The following FGF12 variants were observed in gnomAD, a reference collection of about 807,000 sequenced individuals.
The protein encoded by FGF12 is fibroblast growth factor 12B.
In FGF12, 14 loss-of-function variants were observed where a neutral mutation model predicts 23.6. The observed-to-expected ratio is 0.59, with a 90% CI of 0.39 to 0.93. The LOEUF is 0.93. FGF12 is among the 40% of genes least tolerant of loss of function. The pLI, the probability that FGF12 is intolerant of heterozygous loss-of-function variation, is 0.00. For missense variants in FGF12, 175 were observed against 217.8 expected, an observed-to-expected ratio of 0.80 and a Z score of 1.24; for synonymous variants, 62 against 77.3, an observed-to-expected ratio of 0.80 and a Z score of 1.04.
At chr3:192,235,946 T>A (rs1441652733) in intron 4 of FGF12, among the ~76,000 whole-genome samples, 1 of 152,210 alleles carries the variant, frequency 6.6e-6, no homozygotes, top group African/African-American at 2.4e-5. Flanking sequence ...CTAGTTGTAA[T>A]GTTAGGTTGT....
chr3:192,467,540 A>G (rs1723047662), intron 2 of FGF12, among the ~76,000 whole-genome samples: 1 of 152,036 alleles, frequency 6.6e-6, no homozygotes, highest in Admixed American at 6.5e-5. Flanking sequence ...GGAAGGTTAT[A>G]TGGAATTACC....
At chr3:192,484,390 T>C (rs186911158) in intron 2 of FGF12, among the ~76,000 whole-genome samples, 1 of 149,552 alleles carries the variant, frequency 6.7e-6, no homozygotes, top group African/African-American at 2.4e-5. Context: ...GATATAAACA[T>C]AGACTCTGAA....
intron 3 of FGF12, among the ~76,000 whole-genome samples, chr3:192,335,763 TCAAA>T (rs758558063): frequency 2.6e-5 from 4 of 152,054 alleles, no homozygotes; most frequent in Non-Finnish European, 4.4e-5. Flanking sequence ...AAAATGATCC[TCAAA>T]CAGTGTAATA....
At chr3:192,148,095 C>A (rs1268357812) in intron 5 of FGF12, among the ~76,000 whole-genome samples, 1 of 152,134 alleles carries the variant, frequency 6.6e-6, no homozygotes, top group African/African-American at 2.4e-5. Flanking sequence ...TATGATCCAG[C>A]AATTCCAACT....
At chr3:192,613,501 T>C (rs2708304) in intron 2 of FGF12, among the ~76,000 whole-genome samples, 27,268 of 151,850 alleles carry the variant, frequency 0.18, 3,005 homozygotes, top group East Asian at 0.34. Flanking sequence ...GATTATTATA[T>C]CTAGGTTCGG....
At chr3:192,369,390 A>G (rs574070790) in intron 2 of FGF12, among the ~76,000 whole-genome samples, 1 of 152,226 alleles carries the variant, frequency 6.6e-6, no homozygotes, top group South Asian at 2.1e-4. Flanking sequence ...TAAACTGCAC[A>G]GTCTCCAAAG....
chr3:192,436,334 C>T (rs1283663543), intron 2 of FGF12, among the ~76,000 whole-genome samples: 3 of 152,224 alleles, frequency 2.0e-5, no homozygotes, highest in Non-Finnish European at 4.4e-5. Context: ...TCAGAGCTTA[C>T]TGCTGTAAAT....
intron 2 of FGF12, among the ~76,000 whole-genome samples, chr3:192,663,882 G>A (rs946560369): frequency 1.3e-5 from 2 of 152,040 alleles, no homozygotes; most frequent in Admixed American, 1.3e-4. Context: ...CGTTTGTTCT[G>A]TGTTTGCAAT....
chr3:192,686,815 ATTTTTTTTTT>A (rs57045697), intron 2 of FGF12, among the ~76,000 whole-genome samples: 8 of 61,480 alleles, frequency 1.3e-4, no homozygotes, highest in South Asian at 7.8e-4. Flanking sequence ...TTTTTCTCTA[ATTTTTTTTTT>A]TTTTTTTTTT....
At chr3:192,372,391 TCACACA>T (rs58664869) in intron 2 of FGF12, among the ~76,000 whole-genome samples, 15,262 of 149,072 alleles carry the variant, frequency 0.1, 1,114 homozygotes, top group African/African-American at 0.2. Context: ...TTTCATACCA[TCACACA>T]CACACACACA....
intron 2 of FGF12, among the ~76,000 whole-genome samples, chr3:192,434,548 T>C (rs940818714): frequency 7.2e-5 from 11 of 152,078 alleles, no homozygotes; most frequent in Admixed American, 1.3e-4. Context: ...TACATGTATG[T>C]GTGTGTGTGC....
At chr3:192,567,153 G>C (rs986867411) in intron 2 of FGF12, among the ~76,000 whole-genome samples, 4 of 152,132 alleles carry the variant, frequency 2.6e-5, no homozygotes, top group African/African-American at 9.7e-5. Flanking sequence ...GGTACTAGAA[G>C]CACCTCAGAG....
At chr3:192,322,503 G>GACACACACACACACACACAC (rs3071843) in intron 4 of FGF12, among the ~76,000 whole-genome samples, 9 of 149,196 alleles carry the variant, frequency 6.0e-5, no homozygotes, top group African/African-American at 2.2e-4. Context: ...ACCACACGCA[G>GACACACACACACACACACAC]ACACACACAC....
intron 4 of FGF12, among the ~76,000 whole-genome samples, chr3:192,334,773 G>C (rs536926587): frequency 2.0e-5 from 3 of 152,178 alleles, no homozygotes; most frequent in African/African-American, 7.2e-5. Context: ...TTTGCCCAAA[G>C]GGATATCAAG....
intron 4 of FGF12, among the ~76,000 whole-genome samples, chr3:192,274,472 A>C (rs1577308324): frequency 1.3e-5 from 2 of 152,212 alleles, no homozygotes; most frequent in Non-Finnish European, 2.9e-5. Context: ...ACATAGTAAT[A>C]AAAATAGGAA....
chr3:192,417,924 T>C (rs1362522947), intron 2 of FGF12, among the ~76,000 whole-genome samples: 2 of 152,074 alleles, frequency 1.3e-5, no homozygotes, highest in African/African-American at 4.8e-5. Context: ...TGCCTTGTTC[T>C]TTTGTGCCTG....
At chr3:192,643,754 C>T (rs1007571672) in intron 2 of FGF12, among the ~76,000 whole-genome samples, 8 of 152,166 alleles carry the variant, frequency 5.3e-5, no homozygotes, top group African/African-American at 1.9e-4. Flanking sequence ...ATAGTATATA[C>T]ATTTTTTAAA....
intron 4 of FGF12, among the ~76,000 whole-genome samples, chr3:192,267,794 A>G (rs1713173011): frequency 6.6e-6 from 1 of 152,230 alleles, no homozygotes; most frequent in South Asian, 2.1e-4. Flanking sequence ...TTTATAGGAC[A>G]TTTTAAATTA....
At chr3:192,275,400 C>T (rs779492281) in intron 4 of FGF12, among the ~76,000 whole-genome samples, 2 of 152,030 alleles carry the variant, frequency 1.3e-5, no homozygotes, top group Non-Finnish European at 2.9e-5. Flanking sequence ...TTTCCTCTAC[C>T]CTTTTCTGTT....
Sources: gnomAD v4.1 joint callset for allele counts (sites outside exome capture counted in the v4.1 genomes callset) on GRCh38, gnomAD v4.1.1 for gene constraint, MANE v1.5 for transcripts, NCBI Gene and HGNC (gene_info 2026-07-23, HGNC 2026-07-21) for gene names.